VCAN: variants seen among roughly 807,000 people sequenced by gnomAD.
VCAN encodes versican.
In VCAN, 44 loss-of-function variants were observed where a neutral mutation model predicts 245.5. That is an observed-to-expected ratio of 0.18 (90% CI 0.14 to 0.23). The LOEUF (loss-of-function observed/expected upper bound fraction) is 0.23, where lower values mean the gene tolerates loss of function less well. Ranked by LOEUF, VCAN falls within the 10% of genes least tolerant of loss-of-function variation. VCAN has a pLI of 1.00. For missense variants in VCAN, 3,793 were observed against 4,057.9 expected (o/e 0.93, Z 1.77); for synonymous variants, 1,413 against 1,437.0 (o/e 0.98, Z 0.38).
In VCAN at chr5:83,580,365, G is replaced by A. The variant is rs375208337; in HGVS notation, c.10122G>A (p.Lys3374=). 3.0e-5 allele frequency: 49 copies of A among 1,613,928 alleles called. No individual in the cohort carries two copies. The East Asian group carries it at 9.6e-4, about 32-fold the overall frequency. Residue 3374 remains lysine (K), a synonymous_variant, in exon 15 of 15, where the codon AAG becomes AAA. Transcript: ENST00000265077. ...MKYFKNSSSA[K]DNSINTSKHD... ...ACTTTAAAAATTCCTCATCAGCAAA[G>A]GACAATTCAATAAATACATCCAAAC...
intron 13 of VCAN, among the ~76,000 whole-genome samples, chr5:83,574,932 A>G (rs1561277635): frequency 6.6e-6 from 1 of 152,228 alleles, no homozygotes; most frequent in Non-Finnish European, 1.5e-5. Context: ...CACGCTGTAC[A>G]GACTTTTTCC....
chr5:83,580,110 C>A lies in VCAN; in HGVS notation c.10011C>A (p.Ile3337=). ...DGFIQRHLPT[I]RCLGNGRWAI... ...TCATTCAACGTCACCTTCCAACTAT[C>A]CGGTGCTTAGGAAATGGAAGATGGG... Residue 3337 remains isoleucine, a synonymous_variant, in exon 14 of 15, where the codon ATC becomes ATA. Coordinates refer to ENST00000265077, the MANE Select transcript of VCAN (RefSeq NM_004385.5). 2 of 1,614,052 alleles carry A rather than the reference C, an allele frequency of 1.2e-6. No homozygotes were observed. The highest frequency in any genetic ancestry group is 8.5e-7 in the Non-Finnish European group (1 of 1,179,990).
intron 5 of VCAN, among the ~76,000 whole-genome samples, chr5:83,499,575 T>G (rs1008380515): frequency 6.6e-6 from 1 of 152,162 alleles, no homozygotes; most frequent in Non-Finnish European, 1.5e-5. Context: ...TATTTTTTCC[T>G]CTTTGTATTT....
At chr5:83,494,020 C>T in intron 5 of VCAN, 89 bp downstream of exon 5, 2 of 1,598,944 alleles carry the variant, frequency 1.3e-6, no homozygotes, top group Non-Finnish European at 1.7e-6. Context: ...AGTCTTCGTG[C>T]TTGTTTGGAT....
chr5:83,580,564 T>C lies in VCAN; in HGVS notation c.*130T>C, dbSNP rs1048238844. 16 of 1,390,840 alleles carry C rather than the reference T, an allele frequency of 1.2e-5. No individual in the cohort carries two copies. The African/African-American group carries it at 1.9e-4, about 16-fold the overall frequency. 86.2% of individuals were successfully genotyped at this position (1,390,840 alleles called of 1,614,324 possible). A position where few individuals can be genotyped will look rare whatever the true frequency, so the allele number is the denominator to read the frequency against. ...TGGACCACCGTTCAGTCATTTTGGG[T>C]TGCCGTGCTCCCAAAACATTTTAAA... is the stretch of plus-strand genomic sequence containing the variant. On this transcript the variant is annotated 3_prime_UTR_variant, in exon 15 of 15. Coordinates refer to ENST00000265077, the MANE Select transcript of VCAN (RefSeq NM_004385.5).
rs1356959332 is a variant in VCAN, at chr5:83,540,025, C to A, written c.7022C>A (p.Ala2341Glu). The change falls in exon 8 of 15, where the codon GCA (alanine) becomes GAA (glutamate). Residue 2341 changes from alanine to glutamate, a missense_variant. Physicochemically the swap from Ala to Glu is moderately radical, Grantham distance 107 (BLOSUM62 -1). Around this residue, in one of 5 missense-constraint regions of VCAN, gnomAD observed 3,182 missense variants for 3,250.3 expected, o/e 0.98. Transcript: ENST00000265077. ...TLIEILSDTG[A>E]EGPTVAPLPF... Reference sequence around the variant, plus strand: ...ATAGAAATTTTAAGTGACACTGGAGCAGAAGGACCCACGGTGGCACCTCTC... The same window carrying A: ...ATAGAAATTTTAAGTGACACTGGAGAAGAAGGACCCACGGTGGCACCTCTC... 2 of 1,614,084 alleles carry A rather than the reference C, an allele frequency of 1.2e-6. No individual in the cohort carries two copies. Among genetic ancestry groups the A allele is most frequent in the African/African-American group, 2.7e-5 (2 of 75,038 alleles).
intron 10 of VCAN, among the ~76,000 whole-genome samples, chr5:83,548,909 T>C (rs309596): frequency 0.81 from 122,595 of 152,192 alleles, 49,818 homozygotes; most frequent in African/African-American, 0.88. Context: ...TTAATCTGGA[T>C]GTCACTGCGA....
At chr5:83,534,887 C>A (rs377610163) in intron 7 of VCAN, among the ~76,000 whole-genome samples, 59 of 133,712 alleles carry the variant, frequency 4.4e-4, no homozygotes, top group African/African-American at 1.7e-3. Context: ...ACCTTCAATG[C>A]AAACTGAATT....
chr5:83,575,653 G>A (rs1256416878), intron 13 of VCAN, among the ~76,000 whole-genome samples: 1 of 152,126 alleles, frequency 6.6e-6, no homozygotes, highest in Non-Finnish European at 1.5e-5. Context: ...CCTGCCCTTT[G>A]TATACTACAT....
chr5:83,537,762 G>C lies in VCAN; in HGVS notation c.4759G>C (p.Val1587Leu), dbSNP rs771295231. 9 of 1,613,872 alleles carry C rather than the reference G, an allele frequency of 5.6e-6. No individual in the cohort carries two copies. Among genetic ancestry groups the C allele is most frequent in the Non-Finnish European group, 7.6e-6 (9 of 1,179,974 alleles). ...TTCTGTCACATACACTCCCACTATA[G>C]TTCCAAGTTCTGCATCAGCATATGT... is the stretch of plus-strand genomic sequence containing the variant. Reference protein sequence around the residue: ...STSVTYTPTIVPSSASAYVSE... With the variant: ...STSVTYTPTILPSSASAYVSE... The change falls in exon 8 of 15, where the codon GTT (valine) becomes CTT (leucine). Residue 1587 changes from valine (V) to leucine (L), a missense_variant. By Grantham distance (32) the Val-to-Leu change is conservative (BLOSUM62 1). Around this residue, in one of 5 missense-constraint regions of VCAN, gnomAD observed 3,182 missense variants for 3,250.3 expected, o/e 0.98. Coordinates refer to ENST00000265077, the MANE Select transcript of VCAN (RefSeq NM_004385.5).
rs778464642 is a variant in VCAN at position 83,580,268 on chromosome 5, TTG to T, written c.10064-33_10064-32del. 6 of 1,613,644 alleles carry T rather than the reference TTG, an allele frequency of 3.7e-6. No individual in the cohort carries two copies. In the East Asian group the frequency reaches 1.1e-4, roughly 30 times the overall value. Reference sequence around the variant, plus strand: ...AGTTTAGGGTATGGAGCAAGTAATATTGTGTGTTTTCTTTTTTTCTTTCTTTC... The same window carrying T: ...AGTTTAGGGTATGGAGCAAGTAATATTGTGTTTTCTTTTTTTCTTTCTTTC... On this transcript the variant is annotated intron_variant, in intron 14 of 14. Transcript: ENST00000265077.
At chr5:83,475,529 G>A (rs1172320328) in intron 1 of VCAN, among the ~76,000 whole-genome samples, 1 of 152,130 alleles carries the variant, frequency 6.6e-6, no homozygotes, top group Non-Finnish European at 1.5e-5. Flanking sequence ...AAAATAGGAA[G>A]GTACCAATGG....
intron 11 of VCAN, 61 bp downstream of exon 11, chr5:83,553,583 G>A: frequency 6.2e-7 from 1 of 1,609,400 alleles, no homozygotes; most frequent in Non-Finnish European, 8.5e-7. Context: ...TCTTAGTTTT[G>A]TCTGTGTGCA....
At chr5:83,493,102 G>A (rs1745032669) in intron 3 of VCAN, among the ~76,000 whole-genome samples, 1 of 152,212 alleles carries the variant, frequency 6.6e-6, no homozygotes, top group African/African-American at 2.4e-5. Flanking sequence ...ATTTTTATGA[G>A]ACAGGTGAGT....
intron 10 of VCAN, among the ~76,000 whole-genome samples, chr5:83,552,623 A>G (rs1213566645): frequency 6.6e-6 from 1 of 152,004 alleles, no homozygotes; most frequent in East Asian, 1.9e-4. Context: ...TATCAGTTAT[A>G]GTGTGCTTAT....
At position 83,477,499 on chromosome 5, in the gene VCAN, G is replaced by A. The variant is rs970358599; in HGVS notation, c.-7+5476G>A. On this transcript the variant is annotated intron_variant, in intron 1 of 14. Coordinates refer to ENST00000265077, the MANE Select transcript of VCAN (RefSeq NM_004385.5). The stretch of plus-strand genomic sequence containing the variant: ...TCTCATCCTAAAAGAAATATAAGAT[G>A]AATCAAATATGAAATGTAGGGAATA... Among the ~76,000 whole-genome samples, 7 of 152,032 alleles carry A rather than the reference G, an allele frequency of 4.6e-5. 1 individual carries two copies.
Position 83,539,230 on chromosome 5 carries a change from A to T in VCAN, c.6227A>T (p.Glu2076Val). ...VEGTKAPVEKEEVKVSGTVST... is the reference protein window; with the variant it reads ...VEGTKAPVEKVEVKVSGTVST... The stretch of plus-strand genomic sequence containing the variant: ...GGTACGAAAGCTCCAGTAGAGAAGG[A>T]GGAAGTAAAGGTCAGTGGCACAGTT... The change falls in exon 8 of 15, where the codon GAG becomes GTG. Residue 2076 changes from glutamate (E) to valine (V), a missense_variant. Coordinates refer to ENST00000265077, the MANE Select transcript of VCAN (RefSeq NM_004385.5). 1 of 1,614,084 alleles carries T rather than the reference A, an allele frequency of 6.2e-7. No homozygotes were observed. Among genetic ancestry groups the T allele is most frequent in the Non-Finnish European group, 8.5e-7 (1 of 1,179,992 alleles).
At chr5:83,481,413 C>T (rs1276154678) in intron 1 of VCAN, among the ~76,000 whole-genome samples, 1 of 151,990 alleles carries the variant, frequency 6.6e-6, no homozygotes, top group Non-Finnish European at 1.5e-5. Flanking sequence ...TCATAAAATA[C>T]AATCTTTTAC....
intron 13 of VCAN, among the ~76,000 whole-genome samples, chr5:83,573,140 T>C (rs1580079912): frequency 6.6e-6 from 1 of 151,952 alleles, no homozygotes; most frequent in Admixed American, 6.6e-5. Flanking sequence ...CCTTGTAATC[T>C]GCCAGCCTCA....
Sources: gnomAD v4.1 joint callset for allele counts (sites outside exome capture counted in the v4.1 genomes callset) on GRCh38, gnomAD v4.1.1 for gene constraint, gnomAD v4.1.1 regional missense constraint, MANE v1.5 for transcripts, NCBI Gene and HGNC (gene_info 2026-07-23, HGNC 2026-07-21) for gene names.